Variants in SACM1L observed in about 807,000 individuals in gnomAD.
SACM1L encodes the protein phosphatidylinositol-3-phosphatase SAC1.
Under a neutral mutation model 89.5 loss-of-function variants are expected in SACM1L, and 32 were observed. That is an observed-to-expected ratio of 0.36 (90% CI 0.27 to 0.48). SACM1L has a LOEUF of 0.48. SACM1L is among the 20% of genes least tolerant of loss of function. The pLI is 0.99. For missense variants in SACM1L, 543 were observed against 708.5 expected (o/e 0.77, Z 2.65); for synonymous variants, 213 against 232.8 (o/e 0.92, Z 0.77).
chr3:45,722,059 A>G lies in SACM1L; in HGVS notation c.739A>G (p.Asn247Asp). Reference protein sequence around the residue: ...FVETEQIVHYNGSKASFVQTR... With the variant: ...FVETEQIVHYDGSKASFVQTR... ...AGAAACAGAACAAATTGTGCACTAC[A>G]ATGGGAGCAAAGCTTCGTTTGTACA... Residue 247 changes from asparagine to aspartate, a missense_variant, in exon 9 of 20, where the codon AAT becomes GAT. Physicochemically the swap from Asn to Asp is conservative, Grantham distance 23. Transcript: ENST00000389061. 6.2e-7 allele frequency: 1 copy of G among 1,612,276 alleles called. No individual in the cohort carries two copies. The highest frequency in any genetic ancestry group is 1.1e-5 in the South Asian group (1 of 90,724).
intron 8 of SACM1L, among the ~76,000 whole-genome samples, chr3:45,721,103 T>A (rs1698777776): frequency 6.6e-6 from 1 of 152,246 alleles, no homozygotes; most frequent in Non-Finnish European, 1.5e-5. Flanking sequence ...CAAACTAGGT[T>A]TTGTGAGCAT....
intron 11 of SACM1L, among the ~76,000 whole-genome samples, chr3:45,729,649 T>C (rs1699001512): frequency 6.6e-6 from 1 of 152,348 alleles, no homozygotes; most frequent in South Asian, 2.1e-4. Flanking sequence ...CCAAGATTTC[T>C]AATGAGAAAT....
intron 14 of SACM1L, among the ~76,000 whole-genome samples, chr3:45,735,578 G>C (rs1419576723): frequency 1.3e-5 from 2 of 151,964 alleles, no homozygotes; most frequent in Non-Finnish European, 2.9e-5. Context: ...TTTTCCCTTA[G>C]CATTTATGTA....
At chr3:45,706,005 C>A (rs2373047) in intron 3 of SACM1L, among the ~76,000 whole-genome samples, 73,418 of 151,964 alleles carry the variant, frequency 0.48, 18,272 homozygotes, top group Middle Eastern at 0.57. Flanking sequence ...GTTATAAAGG[C>A]TGAAAGTCCA....
intron 4 of SACM1L, chr3:45,707,167 C>T (rs959119817): frequency 2.1e-5 from 6 of 291,596 alleles, no homozygotes; most frequent in African/African-American, 4.5e-5. Context: ...CAGAAATGCA[C>T]GGGTACTCAA....
rs1180325849 is a variant in SACM1L at position 45,727,025 on chromosome 3, A to G, written c.921+3482A>G. Among the ~76,000 whole-genome samples the G allele has an allele frequency of 1.8e-4, 13 of 74,132 alleles. 6 individuals are homozygous for G. The highest frequency in any genetic ancestry group is 3.9e-4 in the Non-Finnish European group (13 of 33,762). 48.6% of individuals were successfully genotyped at this position (74,132 alleles called of 152,430 possible). On this transcript the variant is annotated intron_variant, in intron 11 of 19. Transcript: ENST00000389061. ...CTCAGCCTCCCGAGTAGCTGGGACT[A>G]CAGGCGCCCGCCACCGCGCCCGGCT...
intron 13 of SACM1L, among the ~76,000 whole-genome samples, chr3:45,732,543 A>G (rs1203379074): frequency 6.6e-6 from 1 of 152,146 alleles, no homozygotes; most frequent in Admixed American, 6.5e-5. Context: ...ATTCTGTTTT[A>G]TCATAACATA....
At chr3:45,718,162 A>G (rs2673028) in intron 7 of SACM1L, among the ~76,000 whole-genome samples, 63,237 of 152,066 alleles carry the variant, frequency 0.42, 14,942 homozygotes, top group Middle Eastern at 0.56. Context: ...GGACAGTAGA[A>G]TGGATAAGTA....
At chr3:45,723,965 G>C (rs62242216) in intron 11 of SACM1L, among the ~76,000 whole-genome samples, 25 of 149,638 alleles carry the variant, frequency 1.7e-4, no homozygotes, top group Admixed American at 4.7e-4. Context: ...CACACACACA[G>C]ACACACACAC....
chr3:45,726,440 G>C (rs1698918821), intron 11 of SACM1L, among the ~76,000 whole-genome samples: 1 of 151,518 alleles, frequency 6.6e-6, no homozygotes, highest in Non-Finnish European at 1.5e-5. Flanking sequence ...TCATGATTCA[G>C]TTTTGGCAGG....
chr3:45,733,616 T>C (rs1699126358), intron 13 of SACM1L, among the ~76,000 whole-genome samples: 1 of 152,204 alleles, frequency 6.6e-6, no homozygotes. Context: ...GATTTGTATT[T>C]AGCCCTTGAT....
At chr3:45,720,019 T>C (rs35213325) in intron 8 of SACM1L, among the ~76,000 whole-genome samples, 21,917 of 152,278 alleles carry the variant, frequency 0.14, 1,706 homozygotes, top group African/African-American at 0.2. Context: ...TTCTAGGCTT[T>C]GTACTAGCAA....
chr3:45,714,997 A>G lies in SACM1L; in HGVS notation c.577+918A>G, dbSNP rs142692865. On this transcript the variant is annotated intron_variant, in intron 7 of 19. Transcript: ENST00000389061. ...ATGTTTAGATATGTTGAGATACACA[A>G]ATACCATTGTGTTACAGTTGCCTAC... Among the ~76,000 whole-genome samples, 522 of 152,356 alleles carry G rather than the reference A, an allele frequency of 3.4e-3. 4 individuals are homozygous for G. The highest frequency in any genetic ancestry group is 0.011 in the African/African-American group (464 of 41,574).
At chr3:45,742,642 T>G (rs1452660650) in intron 19 of SACM1L, 1 of 151,978 alleles carries the variant, frequency 6.6e-6, no homozygotes, top group Non-Finnish European at 1.5e-5. Flanking sequence ...ATCAGCAGAG[T>G]TGGGTTAAAT....
chr3:45,710,661 A>C (rs865846249), intron 5 of SACM1L, among the ~76,000 whole-genome samples: 14 of 152,102 alleles, frequency 9.2e-5, no homozygotes, highest in Admixed American at 2.0e-4. Flanking sequence ...AGAATTTAAA[A>C]GGTCGCTCCA....
intron 18 of SACM1L, among the ~76,000 whole-genome samples, chr3:45,739,309 A>G (rs1699267661): frequency 6.6e-6 from 1 of 152,134 alleles, no homozygotes; most frequent in Non-Finnish European, 1.5e-5. Flanking sequence ...AGGGAGGCCT[A>G]GTGTTCTAGG....
At chr3:45,692,413 T>C (rs1014391993) in intron 1 of SACM1L, among the ~76,000 whole-genome samples, 2 of 151,632 alleles carry the variant, frequency 1.3e-5, no homozygotes, top group African/African-American at 4.8e-5. Flanking sequence ...AGCCTCAGCC[T>C]CCCAGGCTCA....
At chr3:45,733,195 T>C (rs1052858771) in intron 13 of SACM1L, among the ~76,000 whole-genome samples, 1 of 152,234 alleles carries the variant, frequency 6.6e-6, no homozygotes, top group African/African-American at 2.4e-5. Context: ...CTGTTCACTG[T>C]GGTCCACAGG....
intron 1 of SACM1L, among the ~76,000 whole-genome samples, chr3:45,695,018 C>T (rs755078052): frequency 3.9e-5 from 6 of 152,008 alleles, no homozygotes; most frequent in Non-Finnish European, 7.4e-5. Flanking sequence ...TTGGGTTGTG[C>T]CCCTGGGGAG....
Sources: gnomAD v4.1 joint callset for allele counts (sites outside exome capture counted in the v4.1 genomes callset) on GRCh38, gnomAD v4.1.1 for gene constraint, MANE v1.5 for transcripts, NCBI Gene and HGNC (gene_info 2026-07-23, HGNC 2026-07-21) for gene names.